CNTN5: variants seen among roughly 807,000 people sequenced by gnomAD.
CNTN5 encodes contactin-5.
Under a neutral mutation model 129.1 loss-of-function variants are expected in CNTN5, and 77 were observed. The ratio of observed to expected loss-of-function variants is 0.60; its 90% CI spans 0.50 to 0.72. The LOEUF is 0.72. Among genes scored for constraint, CNTN5 ranks in the 30% least tolerant of loss-of-function variants. The pLI is 0.00. For missense variants in CNTN5, 1,478 were observed against 1,328.8 expected (o/e 1.11, Z -1.75); for synonymous variants, 509 against 465.6 (o/e 1.09, Z -1.20).
At chr11:99,395,550 A>G (rs1259238288) in intron 2 of CNTN5, among the ~76,000 whole-genome samples, 2 of 151,838 alleles carry the variant, frequency 1.3e-5, no homozygotes, top group Non-Finnish European at 2.9e-5. Context: ...GTTTCATTAG[A>G]TCCTATTAGT....
chr11:100,146,869 C>G (rs1325132459), intron 13 of CNTN5, among the ~76,000 whole-genome samples: 1 of 152,058 alleles, frequency 6.6e-6, no homozygotes, highest in Non-Finnish European at 1.5e-5. Context: ...TGTGTCAGCT[C>G]TTTGTAATAT....
chr11:99,247,480 C>G (rs1257833078), intron 1 of CNTN5, among the ~76,000 whole-genome samples: 1 of 150,534 alleles, frequency 6.6e-6, no homozygotes, highest in African/African-American at 2.5e-5. Context: ...TATTATTATA[C>G]TTTAAGTTTT....
chr11:100,264,294 G>A (rs1228310663), intron 17 of CNTN5, among the ~76,000 whole-genome samples: 1 of 151,966 alleles, frequency 6.6e-6, no homozygotes, highest in Non-Finnish European at 1.5e-5. Context: ...CAGGTATATG[G>A]GTGCCATGGT....
chr11:100,227,103 T>C (rs1351762402), intron 16 of CNTN5, among the ~76,000 whole-genome samples: 2 of 152,072 alleles, frequency 1.3e-5, no homozygotes, highest in African/African-American at 4.8e-5. Flanking sequence ...TAAAAGTAGA[T>C]TGGCTGAGCA....
intron 19 of CNTN5, 93 bp from the exon 20 acceptor site, chr11:100,299,069 A>G: frequency 2.7e-6 from 2 of 752,552 alleles, no homozygotes; most frequent in Non-Finnish European, 4.2e-6. Context: ...CCCTTTCTCT[A>G]GCTATCTATA....
chr11:99,623,399 A>G (rs1246369646), intron 3 of CNTN5, among the ~76,000 whole-genome samples: 1 of 152,110 alleles, frequency 6.6e-6, no homozygotes, highest in Non-Finnish European at 1.5e-5. Flanking sequence ...CTTGGCTCTC[A>G]GCCACTTCAT....
intron 1 of CNTN5, among the ~76,000 whole-genome samples, chr11:99,027,504 T>G (rs746234387): frequency 4.0e-5 from 6 of 151,644 alleles, no homozygotes; most frequent in Non-Finnish European, 7.4e-5. Context: ...TAAATTCTAG[T>G]TTTTCTGTTA....
intron 2 of CNTN5, among the ~76,000 whole-genome samples, chr11:99,477,542 G>A (rs1945421259): frequency 6.6e-6 from 1 of 151,894 alleles, no homozygotes; most frequent in Non-Finnish European, 1.5e-5. Context: ...GACAGAAATG[G>A]TATATGCGTT....
intron 1 of CNTN5, among the ~76,000 whole-genome samples, chr11:99,037,576 C>CTTTTTTTTTTTTTTTTTT (rs1161467398): frequency 1.3e-4 from 14 of 105,646 alleles, no homozygotes; most frequent in African/African-American, 3.2e-4. Context: ...TTTTTCTTTT[C>CTTTTTTTTTTTTTTTTTT]TTTTTTTTTT....
At chr11:99,143,187 C>A (rs1859609185) in intron 1 of CNTN5, among the ~76,000 whole-genome samples, 1 of 151,634 alleles carries the variant, frequency 6.6e-6, no homozygotes, top group African/African-American at 2.4e-5. Context: ...AACAAAAAAA[C>A]AAAGAAACAG....
At chr11:99,571,831 T>G (rs932264784) in intron 3 of CNTN5, among the ~76,000 whole-genome samples, 1 of 152,206 alleles carries the variant, frequency 6.6e-6, no homozygotes, top group Non-Finnish European at 1.5e-5. Flanking sequence ...TCTTCTTTAC[T>G]TAGGACATCA....
At chr11:100,267,023 G>A (rs1043714328) in intron 17 of CNTN5, among the ~76,000 whole-genome samples, 1 of 151,910 alleles carries the variant, frequency 6.6e-6, no homozygotes, top group South Asian at 2.1e-4. Context: ...TAATAAGAAA[G>A]TAAATTATAT....
At chr11:99,657,467 C>T (rs2135903722) in intron 3 of CNTN5, among the ~76,000 whole-genome samples, 1 of 152,186 alleles carries the variant, frequency 6.6e-6, no homozygotes, top group South Asian at 2.1e-4. Context: ...GATTGCTGTA[C>T]ACGGTGACAC....
chr11:99,579,933 T>C (rs1949511017), intron 3 of CNTN5, among the ~76,000 whole-genome samples: 2 of 150,264 alleles, frequency 1.3e-5, no homozygotes, highest in African/African-American at 4.9e-5. Flanking sequence ...ATGCTTCCAG[T>C]TTTTGCCCAT....
intron 6 of CNTN5, among the ~76,000 whole-genome samples, chr11:99,850,081 A>G (rs1341143263): frequency 6.6e-6 from 1 of 150,792 alleles, no homozygotes; most frequent in Non-Finnish European, 1.5e-5. Flanking sequence ...CATTGTTCAG[A>G]TTTAGTTTAA....
intron 2 of CNTN5, among the ~76,000 whole-genome samples, chr11:99,451,314 A>G (rs758291081): frequency 6.6e-6 from 1 of 152,190 alleles, no homozygotes; most frequent in South Asian, 2.1e-4. Context: ...CCCATGTTAC[A>G]TTATACAAAA....
At chr11:100,040,157 TC>T (rs200332670) in intron 9 of CNTN5, among the ~76,000 whole-genome samples, 8,119 of 152,238 alleles carry the variant, frequency 0.053, 349 homozygotes, top group Admixed American at 0.12. Flanking sequence ...GGTGTGGATG[TC>T]CTTTCTGTTT....
intron 2 of CNTN5, among the ~76,000 whole-genome samples, chr11:99,408,503 A>AAAGAAAGAAAGAAAGAAAGT (rs1390703661): frequency 2.8e-5 from 4 of 144,740 alleles, no homozygotes; most frequent in Non-Finnish European, 6.1e-5. Context: ...AGAAAGAAAG[A>AAAGAAAGAAAGAAAGAAAGT]AAGTTAGTTC....
At chr11:100,050,598 A>G (rs1411856104) in intron 9 of CNTN5, among the ~76,000 whole-genome samples, 1 of 152,082 alleles carries the variant, frequency 6.6e-6, no homozygotes, top group Non-Finnish European at 1.5e-5. Context: ...CACATTGTGC[A>G]CTTGTACCCT....
Sources: allele counts gnomAD v4.1 joint callset (sites outside exome capture counted in the v4.1 genomes callset), GRCh38; gene constraint gnomAD v4.1.1; transcripts MANE v1.5; gene names NCBI Gene and HGNC (gene_info 2026-07-23, HGNC 2026-07-21).